PTPRQ: variants seen among roughly 807,000 people sequenced by gnomAD.
PTPRQ encodes the protein phosphatidylinositol phosphatase PTPRQ.
A neutral mutation model predicts 246.0 loss-of-function variants in PTPRQ; 199 were observed. That is an observed-to-expected ratio of 0.81 (90% CI 0.72 to 0.91). PTPRQ has a LOEUF of 0.91. PTPRQ is among the 40% of genes least tolerant of loss of function. PTPRQ has a pLI of 0.00. For synonymous variants in PTPRQ, 869 were observed against 853.2 expected, an observed-to-expected ratio of 1.02 and a Z score of -0.32; for missense variants, 2,624 against 2,528.4, an observed-to-expected ratio of 1.04 and a Z score of -0.81.
intron 8 of PTPRQ, among the ~76,000 whole-genome samples, chr12:80,481,215 T>G (rs1356590993): frequency 6.6e-6 from 1 of 152,182 alleles, no homozygotes; most frequent in Non-Finnish European, 1.5e-5. Flanking sequence ...CAAGGCTGGT[T>G]CAATATATTA....
chr12:80,522,631 T>G (rs1442904045), intron 17 of PTPRQ, among the ~76,000 whole-genome samples: 1 of 152,220 alleles, frequency 6.6e-6, no homozygotes, highest in Non-Finnish European at 1.5e-5. Flanking sequence ...CATGTGGTTT[T>G]TGTCTTTGGT....
intron 12 of PTPRQ, among the ~76,000 whole-genome samples, 190 bp from the exon 13 acceptor site, chr12:80,495,809 G>A (rs924729358): frequency 2.0e-5 from 3 of 151,968 alleles, no homozygotes; most frequent in African/African-American, 7.2e-5. Flanking sequence ...AATATTTTAG[G>A]AGAGAACTTG....
At chr12:80,506,801 A>T (rs945404981) in intron 16 of PTPRQ, 131 bp downstream of exon 16, 2 of 622,726 alleles carry the variant, frequency 3.2e-6, no homozygotes, top group African/African-American at 3.9e-5. Context: ...CGTTATACAG[A>T]GATTTCATTG....
At chr12:80,630,800 T>C (rs1899401349) in intron 33 of PTPRQ, among the ~76,000 whole-genome samples, 2 of 152,200 alleles carry the variant, frequency 1.3e-5, no homozygotes, top group Non-Finnish European at 2.9e-5. Flanking sequence ...CACTGCAACC[T>C]CCACCTTCCG....
At position 80,520,521 on chromosome 12, in the gene PTPRQ, C is replaced by T. The variant is rs1331381274; in HGVS notation, c.2678+10078C>T. Among the ~76,000 whole-genome samples the T allele has an allele frequency of 2.8e-4, 36 of 127,030 alleles. 1 individual carries two copies. Among genetic ancestry groups the T allele is most frequent in the African/African-American group, 1.0e-3 (35 of 34,218 alleles). The allele number at this position is 127,030 out of a possible 152,430, so 83.3% of individuals were successfully genotyped here. On this transcript the variant is annotated intron_variant, in intron 17 of 44. Transcript: ENST00000644991. ...GCTATCCCTCCCCCCTCCCCCCACC[C>T]CACAACAGGCCCCGGTGTGTGATGT... is the stretch of plus-strand genomic sequence containing the variant.
chr12:80,566,603 C>T (rs542491662), intron 25 of PTPRQ, among the ~76,000 whole-genome samples: 1 of 152,152 alleles, frequency 6.6e-6, no homozygotes, highest in African/African-American at 2.4e-5. Flanking sequence ...GCAGTGGCAC[C>T]ATCACAGCTC....
In PTPRQ at chr12:80,680,043, T is replaced by C. The variant is rs1424260064; in HGVS notation, c.*1020T>C. The C allele has an allele frequency of 6.6e-6, 1 of 151,870 alleles. No individual in the cohort carries two copies. Among genetic ancestry groups the C allele is most frequent in the Non-Finnish European group, 1.5e-5 (1 of 67,880 alleles). 9.4% of individuals were successfully genotyped at this position (151,870 alleles called of 1,614,324 possible). On this transcript the variant is annotated 3_prime_UTR_variant, in exon 45 of 45. Transcript: ENST00000644991. ...TGAAAACAAAGAAATTAACCATGTA[T>C]AGCAAATTCAAGGTTTCTTTATAGA...
chr12:80,670,540 T>G, intron 42 of PTPRQ, 48 bp downstream of exon 42: 1 of 1,427,212 alleles, frequency 7.0e-7, no homozygotes, highest in East Asian at 2.8e-5. Context: ...GTCTTTTTAT[T>G]ATTAAAATTC....
At chr12:80,617,335 A>G (rs547203196) in intron 30 of PTPRQ, among the ~76,000 whole-genome samples, 2 of 151,520 alleles carry the variant, frequency 1.3e-5, no homozygotes, top group South Asian at 4.1e-4. Flanking sequence ...GATGAAACTG[A>G]TAAATTTTAT....
intron 26 of PTPRQ, among the ~76,000 whole-genome samples, chr12:80,594,020 T>C (rs1897888579): frequency 6.6e-6 from 1 of 151,982 alleles, no homozygotes; most frequent in Non-Finnish European, 1.5e-5. Flanking sequence ...CAAACATCTG[T>C]TAGGTTAAAA....
At chr12:80,534,676 AATCT>A (rs1397286526) in intron 18 of PTPRQ, among the ~76,000 whole-genome samples, 1 of 151,996 alleles carries the variant, frequency 6.6e-6, no homozygotes, top group Admixed American at 6.6e-5. Flanking sequence ...ATGGGTAAGA[AATCT>A]ATCTGTCTTC....
chr12:80,642,586 C>G (rs1418535901), intron 35 of PTPRQ, among the ~76,000 whole-genome samples: 1 of 152,146 alleles, frequency 6.6e-6, no homozygotes, highest in African/African-American at 2.4e-5. Context: ...GCATTCACTT[C>G]TCATCTAAAA....
chr12:80,488,894 T>C (rs775660780), intron 9 of PTPRQ, among the ~76,000 whole-genome samples: 2 of 152,028 alleles, frequency 1.3e-5, no homozygotes, highest in African/African-American at 2.4e-5. Flanking sequence ...ATTAGCAAAA[T>C]GAGTCTCAGG....
chr12:80,661,724 T>C (rs1159197768), intron 39 of PTPRQ, among the ~76,000 whole-genome samples: 2 of 151,778 alleles, frequency 1.3e-5, no homozygotes, highest in Non-Finnish European at 3.0e-5. Flanking sequence ...TTCAAGGACA[T>C]TGATAGGCAC....
chr12:80,632,548 C>T (rs1899480387), intron 34 of PTPRQ, among the ~76,000 whole-genome samples: 1 of 152,138 alleles, frequency 6.6e-6, no homozygotes, highest in South Asian at 2.1e-4. Context: ...GAATTGTTAA[C>T]TAGCAGAAAT....
chr12:80,597,787 G>GT, intron 26 of PTPRQ, among the ~76,000 whole-genome samples: 1 of 151,974 alleles, frequency 6.6e-6, no homozygotes, highest in Non-Finnish European at 1.5e-5. Flanking sequence ...TTTTGATTCA[G>GT]TAAGTCTGGG....
At chr12:80,481,971 A>G (rs1466403115) in intron 8 of PTPRQ, among the ~76,000 whole-genome samples, 10 of 132,632 alleles carry the variant, frequency 7.5e-5, no homozygotes, top group Admixed American at 7.8e-5. Flanking sequence ...TACAGATTCA[A>G]TGCCATCCCC....
chr12:80,624,719 T>C (rs1386377398), intron 33 of PTPRQ, among the ~76,000 whole-genome samples: 3 of 152,144 alleles, frequency 2.0e-5, no homozygotes, highest in Non-Finnish European at 4.4e-5. Context: ...TAGAGTCACT[T>C]TCATAGGTCA....
rs1004902444 is a variant in PTPRQ at position 80,480,362 on chromosome 12, G to A, written c.1187-4071G>A. On this transcript the variant is annotated intron_variant, in intron 8 of 44. Transcript: ENST00000644991. ...CACAACATACCAGAATATCTGGGACGCATTCAAAGCAGTGTGTAGAGGGAA... is the reference window on the plus strand; with the variant it reads ...CACAACATACCAGAATATCTGGGACACATTCAAAGCAGTGTGTAGAGGGAA... 8.2e-3 allele frequency among the ~76,000 whole-genome samples: 1,241 copies of A among 152,110 alleles called. 15 individuals are homozygous for A. The highest frequency in any genetic ancestry group is 0.028 in the African/African-American group (1,171 of 41,450).
Sources: gnomAD v4.1 joint callset for allele counts (sites outside exome capture counted in the v4.1 genomes callset) on GRCh38, gnomAD v4.1.1 for gene constraint, MANE v1.5 for transcripts, NCBI Gene and HGNC (gene_info 2026-07-23, HGNC 2026-07-21) for gene names.